INPP4A: variants seen among roughly 807,000 people sequenced by gnomAD.
INPP4A encodes the protein inositol polyphosphate-4-phosphatase, type I, 107kD.
In INPP4A, 33 loss-of-function variants were observed where a neutral mutation model predicts 119.8. The observed-to-expected ratio is 0.28, with a 90% CI of 0.21 to 0.37. INPP4A has a LOEUF of 0.37. Ranked by LOEUF, INPP4A falls within the 10% of genes least tolerant of loss-of-function variation. INPP4A has a pLI of 1.00. For synonymous variants in INPP4A, 496 were observed against 500.7 expected (o/e 0.99, Z 0.12); for missense variants, 956 against 1,289.9 (o/e 0.74, Z 3.97).
intron 1 of INPP4A, among the ~76,000 whole-genome samples, chr2:98,453,778 G>A (rs917344134): frequency 6.6e-5 from 10 of 152,180 alleles, no homozygotes; most frequent in Non-Finnish European, 1.3e-4. Context: ...TCCTGCTCTG[G>A]CGTATTGTTC....
chr2:98,576,584 C>T (rs1200624507), intron 23 of INPP4A, among the ~76,000 whole-genome samples: 2 of 152,206 alleles, frequency 1.3e-5, no homozygotes, highest in Non-Finnish European at 2.9e-5. Flanking sequence ...GAGAGTGGCT[C>T]TGGCTTCCCC....
intron 11 of INPP4A, among the ~76,000 whole-genome samples, chr2:98,545,029 C>T (rs540048550): frequency 1.3e-5 from 2 of 152,300 alleles, no homozygotes; most frequent in African/African-American, 4.8e-5. Flanking sequence ...CACTGTGCAC[C>T]CGGATCCCTT....
chr2:98,522,297 A>AG (rs1254616892), intron 4 of INPP4A, among the ~76,000 whole-genome samples: 1 of 151,632 alleles, frequency 6.6e-6, no homozygotes, highest in Non-Finnish European at 1.5e-5. Flanking sequence ...AAAAAAAAAA[A>AG]AAAAAAGAAA....
At chr2:98,528,036 G>A (rs111559747) in intron 4 of INPP4A, among the ~76,000 whole-genome samples, 2,351 of 152,272 alleles carry the variant, frequency 0.015, 68 homozygotes, top group African/African-American at 0.054. Flanking sequence ...AACCCATACA[G>A]TCAGTAGAAA....
intron 1 of INPP4A, among the ~76,000 whole-genome samples, chr2:98,455,040 C>G (rs1466349663): frequency 6.6e-6 from 1 of 152,014 alleles, no homozygotes. Context: ...GGCTAGGTGC[C>G]AAGAAATGTC....
chr2:98,521,660 A>C (rs778760673), intron 4 of INPP4A: 2 of 152,340 alleles, frequency 1.3e-5, no homozygotes, highest in African/African-American at 4.8e-5. Context: ...GGCCGGGTAC[A>C]GTAGCTCACA....
At chr2:98,455,394 T>C (rs1173630204) in intron 1 of INPP4A, among the ~76,000 whole-genome samples, 1 of 151,994 alleles carries the variant, frequency 6.6e-6, no homozygotes, top group African/African-American at 2.4e-5. Context: ...GTCATTCCTA[T>C]GGTTTGGAAG....
chr2:98,499,959 G>A (rs1043349158), intron 1 of INPP4A, among the ~76,000 whole-genome samples: 1 of 152,154 alleles, frequency 6.6e-6, no homozygotes, highest in African/African-American at 2.4e-5. Flanking sequence ...ACTTGTGTCC[G>A]TGGGTCTGGC....
In INPP4A at chr2:98,569,908, CT is replaced by C. The variant is rs2106400941; in HGVS notation, c.2518+1242del. ...TGATGGCCAGAGTGAGGCTGTGACA[CT>C]TCAGATGAGATGTTGTTTCACTCTG... On this transcript the variant is annotated intron_variant, in intron 22 of 24. Coordinates refer to ENST00000409851, the MANE Select transcript of INPP4A (RefSeq NM_001134225.2). The surrounding 1 kb of genome is among the most constrained non-coding windows in gnomAD (Gnocchi z 5.1). 6.5e-6 allele frequency: 1 copy of C among 152,678 alleles called. No individual in the cohort carries two copies. Among genetic ancestry groups the C allele is most frequent in the East Asian group, 1.9e-4 (1 of 5,172 alleles). 9.5% of individuals were successfully genotyped at this position (152,678 alleles called of 1,614,324 possible).
intron 16 of INPP4A, among the ~76,000 whole-genome samples, 173 bp from the exon 17 acceptor site, chr2:98,559,290 G>A (rs963987468): frequency 6.6e-6 from 1 of 152,218 alleles, no homozygotes; most frequent in African/African-American, 2.4e-5. Context: ...AGCAGCCAGA[G>A]TACTTTCGTG....
chr2:98,520,026 A>G lies in INPP4A; in HGVS notation c.-23A>G. The G allele has an allele frequency of 6.4e-7, 1 of 1,554,286 alleles. No homozygotes were observed. The highest frequency in any genetic ancestry group is 8.7e-7 in the Non-Finnish European group (1 of 1,144,044). ...GGCGTGGTCTGACCGAGGATCAAGA[A>G]GCACATCATCACCAATGACATCATG... On this transcript the variant is annotated 5_prime_UTR_variant, in exon 3 of 25. Transcript: ENST00000409851.
At chr2:98,519,160 A>G (rs1489728084) in intron 2 of INPP4A, 135 bp downstream of exon 2, 1 of 152,242 alleles carries the variant, frequency 6.6e-6, no homozygotes, top group Non-Finnish European at 1.5e-5. Flanking sequence ...AACTAGGCTT[A>G]TTGCTCAGTC....
At position 98,593,943 on chromosome 2, in the gene INPP4A, T is replaced by G. The variant is rs1700504793; in HGVS notation, c.*6335T>G. 6.6e-6 allele frequency: 1 copy of G among 152,220 alleles called. No homozygotes were observed. Among genetic ancestry groups the G allele is most frequent in the Admixed American group, 6.5e-5 (1 of 15,274 alleles). 9.4% of individuals were successfully genotyped at this position (152,220 alleles called of 1,614,324 possible). On this transcript the variant is annotated 3_prime_UTR_variant, in exon 25 of 25. Coordinates refer to ENST00000409851, the MANE Select transcript of INPP4A (RefSeq NM_001134225.2). ...TTCAAAAAAACTTCCTCTCCTTCAT[T>G]GTTGACTATGAAGATTCTTTCATGC...
intron 1 of INPP4A, among the ~76,000 whole-genome samples, chr2:98,489,124 GTGAC>G (rs1227080648): frequency 6.6e-6 from 1 of 152,092 alleles, no homozygotes; most frequent in African/African-American, 2.4e-5. Context: ...ACAGAACTCA[GTGAC>G]TGACCAGTTT....
At chr2:98,551,094 C>G (rs1693433771) in intron 13 of INPP4A, among the ~76,000 whole-genome samples, 1 of 151,990 alleles carries the variant, frequency 6.6e-6, no homozygotes, top group African/African-American at 2.4e-5. Flanking sequence ...TAGCCAGAAC[C>G]ACAAGCACAA....
chr2:98,491,425 C>G (rs777243252), intron 1 of INPP4A, among the ~76,000 whole-genome samples: 1 of 152,190 alleles, frequency 6.6e-6, no homozygotes, highest in Non-Finnish European at 1.5e-5. Context: ...AGCATTTACT[C>G]ATGCTCTCGT....
intron 24 of INPP4A, 57 bp downstream of exon 24, chr2:98,577,200 A>G: frequency 6.7e-7 from 1 of 1,500,884 alleles, no homozygotes; most frequent in South Asian, 1.3e-5. Flanking sequence ...TAAACTGCAG[A>G]TGAGCTGGTA....
Position 98,539,057 on chromosome 2 carries a change from C to T in INPP4A, c.670+76C>T, listed in dbSNP as rs1277278132. On this transcript the variant is annotated intron_variant, in intron 9 of 24. Coordinates refer to ENST00000409851, the MANE Select transcript of INPP4A (RefSeq NM_001134225.2). Reference sequence around the variant, plus strand: ...TGGGCCCGCAGTCCCCTTTGCTCCCCACCTGCTGCGATTGTCCCAGCCATG... The same window carrying T: ...TGGGCCCGCAGTCCCCTTTGCTCCCTACCTGCTGCGATTGTCCCAGCCATG... 6 of 753,290 alleles carry T rather than the reference C, an allele frequency of 8.0e-6. No homozygotes were observed. In the East Asian group the frequency reaches 1.6e-4, roughly 20 times the overall value. The allele number at this position is 753,290 out of a possible 1,614,324, so 46.7% of individuals were successfully genotyped here.
At chr2:98,450,326 C>T (rs751045879) in intron 1 of INPP4A, among the ~76,000 whole-genome samples, 3 of 152,138 alleles carry the variant, frequency 2.0e-5, no homozygotes, top group Non-Finnish European at 4.4e-5. Context: ...GAAAGCTTTT[C>T]AATGAGGGAT....
Sources: gnomAD v4.1 joint callset for allele counts (sites outside exome capture counted in the v4.1 genomes callset) on GRCh38, gnomAD v4.1.1 for gene constraint, Gnocchi (gnomAD v3.1) non-coding constraint, MANE v1.5 for transcripts, NCBI Gene and HGNC (gene_info 2026-07-23, HGNC 2026-07-21) for gene names.